Variants in DTNA observed in about 807,000 individuals in gnomAD.
DTNA encodes the protein dystrobrevin alpha.
DTNA carries 43 observed loss-of-function variants against 100.7 expected under a neutral mutation model. That is an observed-to-expected ratio of 0.43 (90% CI 0.33 to 0.55). The LOEUF (loss-of-function observed/expected upper bound fraction) is 0.55. DTNA is among the 20% of genes least tolerant of loss of function. The pLI, the probability that DTNA is intolerant of heterozygous loss-of-function variation, is 0.04. For missense variants in DTNA, 798 were observed against 953.9 expected (o/e 0.84, Z 2.15); for synonymous variants, 349 against 347.9 (o/e 1.00, Z -0.04).
chr18:34,555,723 G>C lies in DTNA; in HGVS notation c.-2+62209G>C, dbSNP rs186588883. Among the ~76,000 whole-genome samples, 130 of 152,256 alleles carry C rather than the reference G, an allele frequency of 8.5e-4. 1 individual carries two copies. Among genetic ancestry groups the C allele is most frequent in the Non-Finnish European group, 2.2e-4 (15 of 68,018 alleles). On this transcript the variant is annotated intron_variant, in intron 1 of 19. Transcript: ENST00000283365. ...CTTAATTCTGAGTTCTAGTTTGATTGCACTGTGGTCTGAGAGATAGTTTGT... is the reference window on the plus strand; with the variant it reads ...CTTAATTCTGAGTTCTAGTTTGATTCCACTGTGGTCTGAGAGATAGTTTGT...
intron 3 of DTNA, among the ~76,000 whole-genome samples, chr18:34,787,073 T>C (rs2094534789): frequency 6.6e-6 from 1 of 152,180 alleles, no homozygotes; most frequent in Admixed American, 6.5e-5. Context: ...ATAGCCTGTG[T>C]TTTGTTACTA....
chr18:34,635,530 A>C lies in DTNA; in HGVS notation c.-1-120446A>C, dbSNP rs2058573224. ...GTAGAATCTTAAATCATATTAATAA[A>C]CTTTGCATAATTTATTACATTAAAA... is the stretch of plus-strand genomic sequence containing the variant. On this transcript the variant is annotated intron_variant, in intron 1 of 19. Coordinates refer to the DTNA transcript ENST00000283365. Among the ~76,000 whole-genome samples the C allele has an allele frequency of 3.3e-5, 5 of 152,098 alleles. No individual in the cohort carries two copies. In the South Asian group the frequency reaches 1.0e-3, roughly 32 times the overall value.
chr18:34,881,458 T>TTTTTTTTTTTTTTTTTTTTTG (rs2096872301), intron 20 of DTNA, among the ~76,000 whole-genome samples: 1 of 147,678 alleles, frequency 6.8e-6, no homozygotes, highest in Non-Finnish European at 1.5e-5. Flanking sequence ...TTTTTTTTTT[T>TTTTTTTTTTTTTTTTTTTTTG]TTTTCAGATT....
chr18:34,701,407 G>T (rs926284788), intron 1 of DTNA, among the ~76,000 whole-genome samples: 2 of 151,968 alleles, frequency 1.3e-5, no homozygotes, highest in African/African-American at 4.8e-5. Flanking sequence ...TTGTTTTCAA[G>T]TCCATAGAAG....
At chr18:34,508,653 G>A (rs1601260221) in intron 1 of DTNA, among the ~76,000 whole-genome samples, 1 of 152,144 alleles carries the variant, frequency 6.6e-6, no homozygotes, top group African/African-American at 2.4e-5. Flanking sequence ...ATATGATTCA[G>A]TTTCATTGTA....
intron 1 of DTNA, among the ~76,000 whole-genome samples, chr18:34,740,805 A>G (rs76960534): frequency 2.7e-5 from 3 of 110,548 alleles, no homozygotes; most frequent in Non-Finnish European, 5.4e-5. Context: ...CAAAAACAGG[A>G]AAAAAAAAAA....
intron 1 of DTNA, among the ~76,000 whole-genome samples, chr18:34,734,308 G>A (rs1222767344): frequency 2.0e-5 from 3 of 152,120 alleles, no homozygotes; most frequent in African/African-American, 4.8e-5. Flanking sequence ...GGGAGGGGAT[G>A]TTGACTCTAC....
At chr18:34,552,543 C>A (rs377049240) in intron 1 of DTNA, among the ~76,000 whole-genome samples, 7 of 128,620 alleles carry the variant, frequency 5.4e-5, no homozygotes, top group Admixed American at 2.7e-4. Context: ...CCCACCCCAC[C>A]ACAGTCCCCA....
chr18:34,728,516 TTTCC>T (rs2087288147), intron 1 of DTNA, among the ~76,000 whole-genome samples: 1 of 152,202 alleles, frequency 6.6e-6, no homozygotes, highest in Non-Finnish European at 1.5e-5. Flanking sequence ...GCTTTATATA[TTTCC>T]TTCCAGTACT....
chr18:34,692,615 C>A (rs1228246000), intron 1 of DTNA, among the ~76,000 whole-genome samples: 1 of 152,170 alleles, frequency 6.6e-6, no homozygotes, highest in African/African-American at 2.4e-5. Flanking sequence ...CAGATCTTTA[C>A]TCATTGGCAA....
At chr18:34,854,184 T>C (rs550244164) in intron 15 of DTNA, among the ~76,000 whole-genome samples, 1 of 152,332 alleles carries the variant, frequency 6.6e-6, no homozygotes, top group Non-Finnish European at 1.5e-5. Context: ...AATGTACTGA[T>C]ACTTTACATC....
In DTNA at chr18:34,616,380, G is replaced by A. The variant is rs144506564; in HGVS notation, c.-2+122866G>A. Among the ~76,000 whole-genome samples, 1,274 of 152,294 alleles carry A rather than the reference G, an allele frequency of 8.4e-3. 21 individuals carry two copies. The highest frequency in any genetic ancestry group is 0.029 in the African/African-American group (1,186 of 41,538). On this transcript the variant is annotated intron_variant, in intron 1 of 19. Coordinates refer to the DTNA transcript ENST00000283365. ...AAATGGGATGTAGTTAAACCAAAGAGCTTCTGCAGAGCAAAAGAAACTATC... is the reference window on the plus strand; with the variant it reads ...AAATGGGATGTAGTTAAACCAAAGAACTTCTGCAGAGCAAAAGAAACTATC...
In DTNA at chr18:34,890,751, C is replaced by A; in HGVS notation, c.*3017C>A. On this transcript the variant is annotated 3_prime_UTR_variant, in exon 23 of 23. Transcript: ENST00000444659. ...TGTGAAAAATGGGTTCTTGAATGAT[C>A]TACTATAAGGCAGGGAAGGTTCATT... is the stretch of plus-strand genomic sequence containing the variant. 1 of 397,568 alleles carries A rather than the reference C, an allele frequency of 2.5e-6. No individual in the cohort carries two copies. Among genetic ancestry groups the A allele is most frequent in the Non-Finnish European group, 4.6e-6 (1 of 216,850 alleles). 24.6% of individuals were successfully genotyped at this position (397,568 alleles called of 1,614,324 possible).
At chr18:34,523,058 G>A (rs561145020) in intron 1 of DTNA, among the ~76,000 whole-genome samples, 61 of 152,260 alleles carry the variant, frequency 4.0e-4, no homozygotes, top group Admixed American at 1.6e-3. Context: ...AGCTTATGAA[G>A]TAACTTGTTA....
chr18:34,671,685 A>C (rs917261692), intron 1 of DTNA, among the ~76,000 whole-genome samples: 2 of 151,986 alleles, frequency 1.3e-5, no homozygotes, highest in Middle Eastern at 3.2e-3. Flanking sequence ...GTTCCTACAA[A>C]ATCTTTTTTT....
chr18:34,573,083 C>T (rs2047748641), intron 1 of DTNA, among the ~76,000 whole-genome samples: 1 of 152,202 alleles, frequency 6.6e-6, no homozygotes, highest in South Asian at 2.1e-4. Flanking sequence ...GCTCAGTAAA[C>T]ATGGGTTCCT....
At chr18:34,789,586 T>A (rs142096701) in intron 3 of DTNA, among the ~76,000 whole-genome samples, 12 of 152,318 alleles carry the variant, frequency 7.9e-5, no homozygotes, top group African/African-American at 2.9e-4. Context: ...GACTGTTAGC[T>A]CCCATAGGCA....
At chr18:34,674,627 T>G (rs2077175037) in intron 1 of DTNA, among the ~76,000 whole-genome samples, 1 of 152,152 alleles carries the variant, frequency 6.6e-6, no homozygotes, top group Admixed American at 6.5e-5. Flanking sequence ...TCTGGTGAAA[T>G]TATTTGAATA....
intron 1 of DTNA, among the ~76,000 whole-genome samples, chr18:34,514,328 G>T (rs987574046): frequency 6.6e-6 from 1 of 152,058 alleles, no homozygotes; most frequent in African/African-American, 2.4e-5. Context: ...AACACAGCTT[G>T]CTGGGCTTCA....
Sources: gnomAD v4.1 joint callset for allele counts (sites outside exome capture counted in the v4.1 genomes callset) on GRCh38, gnomAD v4.1.1 for gene constraint, MANE v1.5 for transcripts, NCBI Gene and HGNC (gene_info 2026-07-23, HGNC 2026-07-21) for gene names.